The following MAPK10 variants were observed in gnomAD, a reference collection of about 807,000 sequenced individuals.
The protein encoded by MAPK10 is mitogen-activated protein kinase 10, also known as JNK3 alpha protein kinase.
In MAPK10, 25 loss-of-function variants were observed where a neutral mutation model predicts 59.3. The observed-to-expected ratio is 0.42, with a 90% confidence interval of 0.31 to 0.59. MAPK10 has a LOEUF of 0.59. Among genes scored for constraint, MAPK10 ranks in the 20% least tolerant of loss-of-function variants. MAPK10 has a pLI of 0.15. For missense variants in MAPK10, 351 were observed against 568.9 expected (o/e 0.62, Z 3.90); for synonymous variants, 190 against 200.5 (o/e 0.95, Z 0.44).
intron 1 of MAPK10, among the ~76,000 whole-genome samples, chr4:86,531,909 C>T (rs1278140595): frequency 6.6e-6 from 1 of 151,962 alleles, no homozygotes; most frequent in Non-Finnish European, 1.5e-5. Context: ...AGGGCAGGCA[C>T]TGGGCACGAT....
At chr4:86,184,637 CAGTG>C (rs2077722961) in intron 3 of MAPK10, among the ~76,000 whole-genome samples, 1 of 152,096 alleles carries the variant, frequency 6.6e-6, no homozygotes, top group South Asian at 2.1e-4. Context: ...GTCCTCACTA[CAGTG>C]AGTGAGTTCT....
At chr4:86,121,969 C>A (rs1057248912) in intron 4 of MAPK10, among the ~76,000 whole-genome samples, 1 of 152,108 alleles carries the variant, frequency 6.6e-6, no homozygotes, top group African/African-American at 2.4e-5. Context: ...GTTCAAGACA[C>A]TTTTGTAAGC....
intron 1 of MAPK10, among the ~76,000 whole-genome samples, chr4:86,479,731 T>C (rs182038728): frequency 1.7e-4 from 26 of 152,240 alleles, no homozygotes; most frequent in Non-Finnish European, 2.8e-4. Context: ...ATGTCCTAGG[T>C]CCTCCCAATT....
chr4:86,475,989 C>G (rs1354351063), intron 1 of MAPK10, among the ~76,000 whole-genome samples: 1 of 152,130 alleles, frequency 6.6e-6, no homozygotes, highest in Admixed American at 6.5e-5. Flanking sequence ...CAGAAAACGG[C>G]ACTTTTGATT....
intron 2 of MAPK10, among the ~76,000 whole-genome samples, chr4:86,242,878 C>T (rs2092827685): frequency 6.6e-6 from 1 of 152,084 alleles, no homozygotes; most frequent in Admixed American, 6.5e-5. Flanking sequence ...CCCGGAAGTT[C>T]GATAGGCTTA....
chr4:86,463,746 C>T (rs939545055), intron 1 of MAPK10, among the ~76,000 whole-genome samples: 4 of 152,188 alleles, frequency 2.6e-5, no homozygotes, highest in African/African-American at 9.7e-5. Flanking sequence ...CTACCTATGC[C>T]ATGAGTAATC....
chr4:86,064,313 G>A lies in MAPK10; in HGVS notation c.1063C>T (p.Gln355Ter). 6.2e-7 allele frequency: 1 copy of A among 1,614,202 alleles called. No homozygotes were observed. Among genetic ancestry groups the A allele is most frequent in the East Asian group, 2.2e-5 (1 of 44,868 alleles). ...TACCAGACGTTGATGTAGGGATGCT[G>A]TAAGGCGTCGTCCACTGATATTCTT... ...AKRISVDDAL[Q>*]HPYINVWYDP... is the part of the protein sequence containing the mutation. Residue 355 changes from glutamine (Q) to a stop codon, truncating the protein, a stop_gained, in exon 11 of 14, where the codon CAG becomes TAG. Transcript: ENST00000641462. LOFTEE classifies it high-confidence loss of function.
intron 1 of MAPK10, among the ~76,000 whole-genome samples, chr4:86,391,747 G>A (rs1249863288): frequency 1.3e-5 from 2 of 152,156 alleles, no homozygotes; most frequent in African/African-American, 4.8e-5. Flanking sequence ...AGGGGAGGTT[G>A]GATCCTGCAG....
chr4:86,141,461 A>C (rs2063628848), intron 4 of MAPK10, among the ~76,000 whole-genome samples: 1 of 152,126 alleles, frequency 6.6e-6, no homozygotes, highest in South Asian at 2.1e-4. Context: ...CTGGTAGCTT[A>C]CTCTTTCTAG....
intron 13 of MAPK10, among the ~76,000 whole-genome samples, chr4:86,019,279 T>G (rs3775164): frequency 0.12 from 18,037 of 152,164 alleles, 1,452 homozygotes; most frequent in African/African-American, 0.22. Flanking sequence ...GATATTTTTA[T>G]ATACAGAAAA....
rs189819445 is a variant in MAPK10, at chr4:86,381,779, C to T, written c.-121-27135G>A. Among the ~76,000 whole-genome samples the T allele has an allele frequency of 7.2e-5, 11 of 152,180 alleles. No homozygotes were observed. In the East Asian group the frequency reaches 7.7e-4, roughly 11 times the overall value. On this transcript the variant is annotated intron_variant, in intron 1 of 13. Transcript: ENST00000361569. Reference sequence around the variant, plus strand: ...TGAGGTGCATTTATTTACACAGGGACGGTTTACAAACATGTGGGTATAGAG... The same window carrying T: ...TGAGGTGCATTTATTTACACAGGGATGGTTTACAAACATGTGGGTATAGAG...
chr4:86,396,675 C>A (rs1177760574), intron 1 of MAPK10, among the ~76,000 whole-genome samples: 8 of 152,112 alleles, frequency 5.3e-5, no homozygotes, highest in Middle Eastern at 6.3e-3. Context: ...TGGGAAGGAG[C>A]TTTTATTCAT....
chr4:86,338,138 C>A (rs1006669718), intron 2 of MAPK10, among the ~76,000 whole-genome samples: 2 of 152,180 alleles, frequency 1.3e-5, no homozygotes, highest in African/African-American at 2.4e-5. Flanking sequence ...TGTGTCCTAA[C>A]CGAAAATCTC....
intron 2 of MAPK10, among the ~76,000 whole-genome samples, chr4:86,339,284 G>T (rs1260814241): frequency 3.9e-5 from 6 of 152,152 alleles, no homozygotes; most frequent in Non-Finnish European, 7.4e-5. Context: ...AATAAGACTG[G>T]AAATATTCAA....
At chr4:86,477,777 G>C (rs143902993) in intron 1 of MAPK10, among the ~76,000 whole-genome samples, 1 of 143,864 alleles carries the variant, frequency 7.0e-6, no homozygotes, top group Non-Finnish European at 1.5e-5. Context: ...TGCCAAACCC[G>C]TATACTCTCC....
chr4:86,182,963 C>G (rs888927449), intron 3 of MAPK10, among the ~76,000 whole-genome samples: 1 of 152,032 alleles, frequency 6.6e-6, no homozygotes, highest in Non-Finnish European at 1.5e-5. Flanking sequence ...CATTCTGTAT[C>G]TACACCCAAA....
chr4:86,506,057 C>T (rs971883548), intron 1 of MAPK10, among the ~76,000 whole-genome samples: 7 of 152,098 alleles, frequency 4.6e-5, no homozygotes, highest in Non-Finnish European at 8.8e-5. Flanking sequence ...ATTTTTAAAG[C>T]ACCTGGTATG....
chr4:86,034,761 T>A (rs1230834522), intron 11 of MAPK10, among the ~76,000 whole-genome samples: 1 of 152,130 alleles, frequency 6.6e-6, no homozygotes, highest in Non-Finnish European at 1.5e-5. Context: ...AGATTTGATT[T>A]CCTGGAGTAA....
Position 86,013,344 on chromosome 4 carries a change from A to G in MAPK10, c.*3884T>C, listed in dbSNP as rs773490921. 2.0e-5 allele frequency: 3 copies of G among 151,880 alleles called. No homozygotes were observed. Among genetic ancestry groups the G allele is most frequent in the Non-Finnish European group, 4.4e-5 (3 of 67,980 alleles). 9.4% of individuals were successfully genotyped at this position (151,880 alleles called of 1,614,324 possible). A position where few individuals can be genotyped will look rare whatever the true frequency, so the allele number is the denominator to read the frequency against. ...CTTATAATTAAAATGTGTGTGGGGG[A>G]TTGTGAGTGGGGAGTTGGGTTCCTC... is the stretch of plus-strand genomic sequence containing the variant. On this transcript the variant is annotated 3_prime_UTR_variant, in exon 14 of 14. Transcript: ENST00000641462.
Sources: gnomAD v4.1 joint callset for allele counts (sites outside exome capture counted in the v4.1 genomes callset) on GRCh38, gnomAD v4.1.1 for gene constraint, MANE v1.5 for transcripts, NCBI Gene and HGNC (gene_info 2026-07-23, HGNC 2026-07-21) for gene names.